ZFP64: variants seen among roughly 807,000 people sequenced by gnomAD.
ZFP64 encodes the protein zinc finger protein 64.
ZFP64 carries 14 observed loss-of-function variants against 51.6 expected under a neutral mutation model. The ratio of observed to expected loss-of-function variants is 0.27; its 90% confidence interval spans 0.18 to 0.42. ZFP64 has a LOEUF of 0.42. Ranked by LOEUF, ZFP64 falls within the 10% of genes least tolerant of loss-of-function variation. The pLI is 1.00. For missense variants in ZFP64, 754 were observed against 906.8 expected (o/e 0.83, Z 2.16); for synonymous variants, 375 against 361.4 (o/e 1.04, Z -0.43).
At chr20:52,127,271 A>G (rs2122869629) in intron 5 of ZFP64, among the ~76,000 whole-genome samples, 1 of 151,916 alleles carries the variant, frequency 6.6e-6, no homozygotes, top group African/African-American at 2.4e-5. Context: ...TTTTAAAGGA[A>G]GTGATACGGT....
downstream of ZFP64, among the ~76,000 whole-genome samples, chr20:52,147,004 T>TA (rs1319136640): frequency 1.3e-5 from 2 of 152,218 alleles, no homozygotes; most frequent in Non-Finnish European, 2.9e-5. Flanking sequence ...CCCAAATACT[T>TA]ACGGCTAACA....
chr20:52,106,568 G>A (rs1179858632), intron 5 of ZFP64, among the ~76,000 whole-genome samples: 1 of 152,102 alleles, frequency 6.6e-6, no homozygotes, highest in Non-Finnish European at 1.5e-5. Flanking sequence ...CCCACGGCGG[G>A]GCCTGCGAGA....
chr20:52,168,105 T>C (rs1982433537), intron 2 of ZFP64, among the ~76,000 whole-genome samples: 1 of 152,184 alleles, frequency 6.6e-6, no homozygotes, highest in South Asian at 2.1e-4. Flanking sequence ...CTGATCTCCA[T>C]CTCTTTGGCA....
chr20:52,111,579 T>G (rs917231706), intron 5 of ZFP64, among the ~76,000 whole-genome samples: 3 of 152,108 alleles, frequency 2.0e-5, no homozygotes, highest in Non-Finnish European at 2.9e-5. Flanking sequence ...TTAATAAATT[T>G]TCAAACATTG....
In ZFP64 at chr20:52,152,918, A is replaced by T. The variant is rs16996517; in HGVS notation, c.1274T>A (p.Phe425Tyr). The T allele has an allele frequency of 2.5e-3, 4,002 of 1,613,842 alleles. 78 individuals carry two copies. In the African/African-American group the frequency reaches 0.047, roughly 19 times the overall value. The change falls in exon 6 of 6, where the codon TTC becomes TAC. Residue 425 changes from phenylalanine (F) to tyrosine (Y), a missense_variant. Coordinates refer to ENST00000216923, the MANE Select transcript of ZFP64 (RefSeq NM_018197.3). ...QVAKLDAKKSFHCDICDASFM... is the reference protein window; with the variant it reads ...QVAKLDAKKSYHCDICDASFM... ...GGAGGCATCGCATATATCGCAGTGGAAACTCTTCTTGGCATCCAGCTTGGC... is the reference window on the plus strand; with the variant it reads ...GGAGGCATCGCATATATCGCAGTGGTAACTCTTCTTGGCATCCAGCTTGGC...
chr20:52,160,214 G>C lies in ZFP64; in HGVS notation c.672C>G (p.Ile224Met). ...ATTTGAAGGGCCGCTCGTCCGAGTG[G>C]ATCCTCAGGTGCTTGTTGAGGCTGC... Reference protein sequence around the residue: ...DSSSLNKHLRIHSDERPFKCQ... With the variant: ...DSSSLNKHLRMHSDERPFKCQ... Residue 224 changes from isoleucine (I) to methionine (M), a missense_variant, in exon 5 of 6, where the codon ATC becomes ATG. Coordinates refer to ENST00000216923, the MANE Select transcript of ZFP64 (RefSeq NM_018197.3). This position sits in a 1 kb window ranked among gnomAD's most constrained non-coding sequence, Gnocchi z 4.2. 1 of 1,614,194 alleles carries C rather than the reference G, an allele frequency of 6.2e-7. No individual in the cohort carries two copies. The highest frequency in any genetic ancestry group is 8.5e-7 in the Non-Finnish European group (1 of 1,180,040).
rs1250603298 is a variant in ZFP64 at position 52,165,962 on chromosome 20, T to C, written c.350A>G (p.Glu117Gly). Residue 117 changes from glutamate (E) to glycine (G), a missense_variant, in exon 3 of 6, where the codon GAA becomes GGA. By Grantham distance (98) the Glu-to-Gly change is moderately conservative (BLOSUM62 -2). Coordinates refer to ENST00000216923, the MANE Select transcript of ZFP64 (RefSeq NM_018197.3). ...YQTYLPTESN[E>G]NQTATVISLP... ...AGAGATGACAGTGGCTGTCTGGTTT[T>C]CATTACTTTCCGTGGGCAGGTAAGT... is the stretch of plus-strand genomic sequence containing the variant. The C allele has an allele frequency of 6.2e-7, 1 of 1,614,010 alleles. No individual in the cohort carries two copies. Among genetic ancestry groups the C allele is most frequent in the East Asian group, 2.2e-5 (1 of 44,894 alleles).
chr20:52,161,268 A>G (rs1981772612), intron 4 of ZFP64, among the ~76,000 whole-genome samples: 1 of 152,126 alleles, frequency 6.6e-6, no homozygotes. Context: ...TCTGTGAACT[A>G]CTGCTAACTT....
rs1050995200 is a variant in ZFP64, at chr20:52,166,458, CT to C, written c.287-434del. 9.6e-3 allele frequency among the ~76,000 whole-genome samples: 1,389 copies of C among 145,394 alleles called. 23 individuals carry two copies. The highest frequency in any genetic ancestry group is 0.033 in the African/African-American group (1,301 of 39,980). On this transcript the variant is annotated intron_variant, in intron 2 of 5. Transcript: ENST00000216923. ...AAGCCACCCAAATCTATACTTTTTT[CT>C]TTTTTTTTTTTCTGAGATAGGGTTT...
chr20:52,142,251 C>A (rs1980290841), intron 5 of ZFP64, among the ~76,000 whole-genome samples: 1 of 151,950 alleles, frequency 6.6e-6, no homozygotes, highest in Non-Finnish European at 1.5e-5. Flanking sequence ...GCCTGTGATC[C>A]CAGCCACATG....
At chr20:52,171,792 G>C (rs1399888221) in intron 2 of ZFP64, among the ~76,000 whole-genome samples, 2 of 147,636 alleles carry the variant, frequency 1.4e-5, no homozygotes, top group African/African-American at 5.1e-5. Context: ...CTGTCACCCA[G>C]GCTGGAGTGC....
Position 52,166,089 on chromosome 20 carries a change from A to G in ZFP64, c.287-64T>C. On this transcript the variant is annotated intron_variant, in intron 2 of 5. Transcript: ENST00000216923. ...TGCCCGCTAGCTATGGTGTCTGCCT[A>G]CTTTCCTTTGTAGAGAGAATGCATG... The G allele has an allele frequency of 2.0e-6, 3 of 1,499,496 alleles. No homozygotes were observed. In the South Asian group the frequency reaches 4.0e-5, roughly 20 times the overall value. The allele number at this position is 1,499,496 out of a possible 1,614,324, so 92.9% of individuals were successfully genotyped here. A position where few individuals can be genotyped will look rare whatever the true frequency, so the allele number is the denominator to read the frequency against.
chr20:52,176,002 C>T (rs1007708706), intron 2 of ZFP64: 61 of 984,570 alleles, frequency 6.2e-5, no homozygotes, highest in Middle Eastern at 5.2e-4. Flanking sequence ...GGGTGAGTGG[C>T]GCTGCCCTGT....
At chr20:52,096,523 G>C (rs747293639) in intron 7 of ZFP64, among the ~76,000 whole-genome samples, 1 of 152,160 alleles carries the variant, frequency 6.6e-6, no homozygotes, top group Non-Finnish European at 1.5e-5. Context: ...CAATATTCTC[G>C]CTCAAACATG....
chr20:52,125,165 G>C (rs1436563980), intron 5 of ZFP64, among the ~76,000 whole-genome samples: 1 of 152,172 alleles, frequency 6.6e-6, no homozygotes, highest in African/African-American at 2.4e-5. Context: ...CTCACTTTTG[G>C]TGACAACAGA....
chr20:52,177,378 C>T (rs1284671320), intron 2 of ZFP64, among the ~76,000 whole-genome samples: 1 of 152,120 alleles, frequency 6.6e-6, no homozygotes, highest in African/African-American at 2.4e-5. Context: ...TTCTCCTTGT[C>T]CCTTGGCAGC....
intron 5 of ZFP64, among the ~76,000 whole-genome samples, chr20:52,139,638 C>T (rs1285064650): frequency 6.6e-6 from 1 of 151,828 alleles, no homozygotes; most frequent in Non-Finnish European, 1.5e-5. Context: ...ACATGTACCC[C>T]CTAAACCTAA....
intron 5 of ZFP64, among the ~76,000 whole-genome samples, chr20:52,121,477 C>A (rs563671377): frequency 4.6e-5 from 7 of 152,170 alleles, no homozygotes; most frequent in African/African-American, 1.7e-4. Context: ...CATGCTTCTA[C>A]GCCAAAGCCT....
At chr20:52,188,979 T>TA (rs898999803) in intron 1 of ZFP64, among the ~76,000 whole-genome samples, 70 of 138,914 alleles carry the variant, frequency 5.0e-4, no homozygotes, top group South Asian at 1.8e-3. Flanking sequence ...CCGTCTCACA[T>TA]AAAAAAAAAA....
Sources: gnomAD v4.1 joint callset for allele counts (sites outside exome capture counted in the v4.1 genomes callset) on GRCh38, gnomAD v4.1.1 for gene constraint, Gnocchi (gnomAD v3.1) non-coding constraint, MANE v1.5 for transcripts, NCBI Gene and HGNC (gene_info 2026-07-23, HGNC 2026-07-21) for gene names.